SESTD1: variants seen among roughly 807,000 people sequenced by gnomAD.
SESTD1 encodes SEC14 domain and spectrin repeat-containing protein 1.
SESTD1 carries 43 observed loss-of-function variants against 101.7 expected under a neutral mutation model. The ratio of observed to expected loss-of-function variants is 0.42; its 90% CI spans 0.33 to 0.55. SESTD1 has a LOEUF of 0.55. SESTD1 is among the 20% of genes least tolerant of loss of function. The pLI, the probability that SESTD1 is intolerant of heterozygous loss-of-function variation, is 0.07. For missense variants in SESTD1, 647 were observed against 815.1 expected (o/e 0.79, Z 2.51); for synonymous variants, 283 against 286.8 (o/e 0.99, Z 0.13).
chr2:179,209,663 CAAT>C (rs1271424156), intron 1 of SESTD1, among the ~76,000 whole-genome samples: 1 of 133,748 alleles, frequency 7.5e-6, no homozygotes, highest in African/African-American at 3.0e-5. Flanking sequence ...TTGAACTGAA[CAAT>C]AATAGCGACA....
chr2:179,201,748 G>A (rs1574032492), intron 1 of SESTD1, among the ~76,000 whole-genome samples: 2 of 114,166 alleles, frequency 1.8e-5, no homozygotes, highest in East Asian at 2.3e-4. Flanking sequence ...ACAGGAAGGG[G>A]AACATCACAC....
chr2:179,110,622 C>CGA (rs2044486112), intron 17 of SESTD1, among the ~76,000 whole-genome samples: 1 of 151,908 alleles, frequency 6.6e-6, no homozygotes, highest in Admixed American at 6.6e-5. Flanking sequence ...AGCAAGGTCA[C>CGA]CCAGGGAAAA....
At chr2:179,222,807 A>G (rs1241081494) in intron 1 of SESTD1, among the ~76,000 whole-genome samples, 2 of 152,212 alleles carry the variant, frequency 1.3e-5, no homozygotes, top group African/African-American at 2.4e-5. Flanking sequence ...CTAAGGCCAC[A>G]AAACAAGAAA....
intron 5 of SESTD1, among the ~76,000 whole-genome samples, chr2:179,151,593 TACC>T (rs1348169627): frequency 3.3e-5 from 5 of 152,236 alleles, no homozygotes; most frequent in Non-Finnish European, 5.9e-5. Flanking sequence ...TTTTTTCTAA[TACC>T]ACATTTTAAA....
In SESTD1 at chr2:179,149,323, A is replaced by G. The variant is rs2045467541; in HGVS notation, c.555T>C (p.Asp185=). ...DELALINNGS[D]KGNQQEKERS... is the part of the protein sequence containing the mutation. ...TTTCTTTCTCTTGCTGATTTCCTTT[A>G]TCACTTCCATTGTTAATCAAAGCAA... Residue 185 remains aspartate (D), a synonymous_variant, in exon 7 of 18, where the codon GAT becomes GAC. Transcript: ENST00000428443. 3 of 1,611,062 alleles carry G rather than the reference A, an allele frequency of 1.9e-6. No individual in the cohort carries two copies. The highest frequency in any genetic ancestry group is 2.2e-5 in the South Asian group (2 of 90,366).
intron 1 of SESTD1, among the ~76,000 whole-genome samples, chr2:179,250,647 C>G (rs781561635): frequency 6.6e-6 from 1 of 151,900 alleles, no homozygotes; most frequent in Non-Finnish European, 1.5e-5. Context: ...TTTAAGGACA[C>G]CAGTCAGATG....
At position 179,206,404 on chromosome 2, in the gene SESTD1, T is replaced by C. The variant is rs1238216170; in HGVS notation, c.-25-14538A>G. 2.9e-5 allele frequency among the ~76,000 whole-genome samples: 4 copies of C among 135,980 alleles called. 1 individual carries two copies. Among genetic ancestry groups the C allele is most frequent in the African/African-American group, 1.2e-4 (4 of 34,560 alleles). 89.2% of individuals were successfully genotyped at this position (135,980 alleles called of 152,430 possible). On this transcript the variant is annotated intron_variant, in intron 1 of 17. Coordinates refer to ENST00000428443, the MANE Select transcript of SESTD1 (RefSeq NM_178123.5). ...CTGGGGAACCCAAAAATCCAGATCATGGGAGAAGAATTTAATCTTACATAG... is the reference window on the plus strand; with the variant it reads ...CTGGGGAACCCAAAAATCCAGATCACGGGAGAAGAATTTAATCTTACATAG...
intron 5 of SESTD1, among the ~76,000 whole-genome samples, chr2:179,164,666 G>C (rs1327236667): frequency 6.6e-6 from 1 of 152,126 alleles, no homozygotes; most frequent in East Asian, 1.9e-4. Context: ...ATTAAGGTTA[G>C]CAATGAGAGA....
intron 1 of SESTD1, among the ~76,000 whole-genome samples, chr2:179,201,918 T>A (rs1249000182): frequency 9.7e-6 from 1 of 103,278 alleles, no homozygotes. Flanking sequence ...AAACTTAAAG[T>A]ATAATAATAA....
intron 9 of SESTD1, among the ~76,000 whole-genome samples, chr2:179,135,599 C>A (rs1303325361): frequency 6.6e-6 from 1 of 151,912 alleles, no homozygotes; most frequent in Non-Finnish European, 1.5e-5. Context: ...ACTAAAAATA[C>A]AAAAATTAGC....
At chr2:179,217,368 C>A (rs1356234025) in intron 1 of SESTD1, among the ~76,000 whole-genome samples, 1 of 152,236 alleles carries the variant, frequency 6.6e-6, no homozygotes, top group East Asian at 1.9e-4. Flanking sequence ...AGCCAACAGA[C>A]ACCTGAAAAT....
chr2:179,107,623 A>C lies in SESTD1; in HGVS notation c.*2276T>G, dbSNP rs182094300. 18 of 152,200 alleles carry C rather than the reference A, an allele frequency of 1.2e-4. No homozygotes were observed. The highest frequency in any genetic ancestry group is 9.1e-4 in the Admixed American group (14 of 15,304). The allele number at this position is 152,200 out of a possible 1,614,324, so 9.4% of individuals were successfully genotyped here. A position where few individuals can be genotyped will look rare whatever the true frequency, so the allele number is the denominator to read the frequency against. ...AGAATCTAAGAATAGATTCACTTGT[A>C]AGTCAGTTCTAACTTTAAAAAAGTA... On this transcript the variant is annotated 3_prime_UTR_variant, in exon 18 of 18. Transcript: ENST00000428443.
At chr2:179,141,333 T>TTA (rs966831392) in intron 9 of SESTD1, among the ~76,000 whole-genome samples, 11 of 152,332 alleles carry the variant, frequency 7.2e-5, no homozygotes, top group Non-Finnish European at 1.5e-4. Flanking sequence ...TCGTCTCTAA[T>TTA]ATCTTCTTAC....
chr2:179,254,112 A>C (rs1432916270), intron 1 of SESTD1, among the ~76,000 whole-genome samples: 1 of 152,120 alleles, frequency 6.6e-6, no homozygotes, highest in African/African-American at 2.4e-5. Context: ...AAAAAAAATA[A>C]AATAATAAAA....
intron 1 of SESTD1, among the ~76,000 whole-genome samples, chr2:179,251,523 C>T (rs1022692009): frequency 2.6e-5 from 4 of 152,180 alleles, no homozygotes; most frequent in African/African-American, 9.7e-5. Flanking sequence ...CTTCCAATCA[C>T]CAGTCTATGC....
intron 13 of SESTD1, 49 bp downstream of exon 13, chr2:179,121,721 C>CTAAT (rs1274745746): frequency 6.9e-7 from 1 of 1,458,036 alleles, no homozygotes; most frequent in Non-Finnish European, 9.1e-7. Context: ...TTCATTTTAA[C>CTAAT]TAATATTGTT....
intron 1 of SESTD1, among the ~76,000 whole-genome samples, chr2:179,192,097 A>C (rs2046328010): frequency 6.6e-6 from 1 of 152,166 alleles, no homozygotes; most frequent in African/African-American, 2.4e-5. Flanking sequence ...CAGCTGTGAC[A>C]ACCAGAATGT....
chr2:179,240,229 A>C (rs1444716052), intron 1 of SESTD1, among the ~76,000 whole-genome samples: 1 of 152,210 alleles, frequency 6.6e-6, no homozygotes, highest in Non-Finnish European at 1.5e-5. Flanking sequence ...CAGATTAAGA[A>C]GCTCTCTGAA....
chr2:179,260,810 T>C (rs2047471819), intron 1 of SESTD1, among the ~76,000 whole-genome samples: 1 of 152,112 alleles, frequency 6.6e-6, no homozygotes, highest in Non-Finnish European at 1.5e-5. Flanking sequence ...ATAATCCCAT[T>C]TGTAAAAGAA....
Sources: allele counts gnomAD v4.1 joint callset (sites outside exome capture counted in the v4.1 genomes callset), GRCh38; gene constraint gnomAD v4.1.1; transcripts MANE v1.5; gene names NCBI Gene and HGNC (gene_info 2026-07-23, HGNC 2026-07-21).